Variants in PTGER4 observed in about 807,000 individuals in gnomAD.
The protein encoded by PTGER4 is prostaglandin E receptor 4.
A neutral mutation model predicts 33.2 loss-of-function variants in PTGER4; 11 were observed. The observed-to-expected ratio is 0.33, with a 90% CI of 0.21 to 0.55. PTGER4 has a LOEUF of 0.55. PTGER4 is among the 20% of genes least tolerant of loss of function. The pLI is 0.92. For missense variants in PTGER4, 481 were observed against 650.2 expected (o/e 0.74, Z 2.83); for synonymous variants, 275 against 281.5 (o/e 0.98, Z 0.23).
chr5:40,717,303 T>C, the PTGER4 span, among the ~76,000 whole-genome samples: 9 of 151,526 alleles, frequency 5.9e-5, no homozygotes, highest in Admixed American at 3.3e-4. Flanking sequence ...GTAGGTATGG[T>C]TATTGTTTTC....
chr5:40,733,053 T>A, the PTGER4 span, among the ~76,000 whole-genome samples: 1 of 152,176 alleles, frequency 6.6e-6, no homozygotes, highest in East Asian at 1.9e-4. Flanking sequence ...TAAAAACAAA[T>A]TCTATCCTAA....
At chr5:40,738,494 CAATACAATACAATAA>C in the PTGER4 span, among the ~76,000 whole-genome samples, 8 of 87,750 alleles carry the variant, frequency 9.1e-5, no homozygotes, top group African/African-American at 1.9e-4. Context: ...CAATACAATA[CAATACAATACAATAA>C]AATACAATAA....
At chr5:40,686,091 A>G (rs993029498) in intron 2 of PTGER4, among the ~76,000 whole-genome samples, 2 of 152,230 alleles carry the variant, frequency 1.3e-5, no homozygotes, top group Admixed American at 6.5e-5. Flanking sequence ...CTTTACTTGA[A>G]AAAAAGAAAG....
chr5:40,737,645 T>G, the PTGER4 span, among the ~76,000 whole-genome samples: 1 of 152,212 alleles, frequency 6.6e-6, no homozygotes, highest in Non-Finnish European at 1.5e-5. Context: ...TGATGAGTTT[T>G]GAGAAATGTA....
the PTGER4 span, among the ~76,000 whole-genome samples, chr5:40,722,018 G>C: frequency 6.6e-6 from 1 of 152,204 alleles, no homozygotes; most frequent in Admixed American, 6.5e-5. Context: ...ACAGGTATAT[G>C]AAAAGATGCT....
At chr5:40,717,369 T>C in the PTGER4 span, among the ~76,000 whole-genome samples, 1 of 152,140 alleles carries the variant, frequency 6.6e-6, no homozygotes, top group African/African-American at 2.4e-5. Flanking sequence ...CAGCTGGGAA[T>C]TGGCAGAGCT....
the PTGER4 span, among the ~76,000 whole-genome samples, chr5:40,722,656 G>A: frequency 4.4e-3 from 668 of 151,394 alleles, 4 homozygotes; most frequent in African/African-American, 0.015. Flanking sequence ...GAAGTGAGGC[G>A]TGTCTCCGCC....
the PTGER4 span, among the ~76,000 whole-genome samples, chr5:40,727,200 A>C: frequency 6.6e-6 from 1 of 152,230 alleles, no homozygotes; most frequent in African/African-American, 2.4e-5. Flanking sequence ...TAGTAAGTTT[A>C]TATTTTGAAT....
At chr5:40,728,199 G>C in the PTGER4 span, 1 of 544,534 alleles carries the variant, frequency 1.8e-6, no homozygotes, top group South Asian at 2.9e-5. Context: ...CAGGAGAATC[G>C]CTTGAACCCA....
Position 40,681,994 on chromosome 5 carries a change from A to G in PTGER4, c.867+134A>G. The G allele has an allele frequency of 8.4e-7, 1 of 1,194,118 alleles. No homozygotes were observed. The highest frequency in any genetic ancestry group is 1.1e-6 in the Non-Finnish European group (1 of 891,770). The allele number at this position is 1,194,118 out of a possible 1,614,324, so 74.0% of individuals were successfully genotyped here. A position where few individuals can be genotyped will look rare whatever the true frequency, so the allele number is the denominator to read the frequency against. On this transcript the variant is annotated intron_variant, in intron 2 of 2. Transcript: ENST00000302472. The surrounding 1 kb of genome is among the most constrained non-coding windows in gnomAD (Gnocchi z 9.8). ...CCTTTAGGTCGGGGCTGGGATTCCC[A>G]CACTGTTTCTCAGAGCAGGCCCAAC...
At chr5:40,715,354 T>C in the PTGER4 span, 1 of 152,122 alleles carries the variant, frequency 6.6e-6, no homozygotes, top group Non-Finnish European at 1.5e-5. Context: ...GCAGTACAAT[T>C]GTCATTAACC....
At chr5:40,684,219 A>G (rs1432061315) in intron 2 of PTGER4, among the ~76,000 whole-genome samples, 9 of 142,510 alleles carry the variant, frequency 6.3e-5, no homozygotes, top group African/African-American at 1.0e-4. Context: ...TTCTTTTTTC[A>G]TGTTTTCATA....
At chr5:40,742,122 C>G in the PTGER4 span, among the ~76,000 whole-genome samples, 1 of 151,760 alleles carries the variant, frequency 6.6e-6, no homozygotes, top group Non-Finnish European at 1.5e-5. Context: ...TATCTTTTGT[C>G]CAATTTTCTA....
the PTGER4 span, chr5:40,730,384 T>TG: frequency 6.5e-7 from 1 of 1,548,824 alleles, no homozygotes; most frequent in Non-Finnish European, 8.8e-7. Flanking sequence ...ATTTTCAATA[T>TG]GCTTTTTTGG....
At chr5:40,735,188 T>C in the PTGER4 span, among the ~76,000 whole-genome samples, 3 of 152,242 alleles carry the variant, frequency 2.0e-5, no homozygotes, top group South Asian at 2.1e-4. Context: ...TTTAATTGTA[T>C]GTGTGATGAA....
chr5:40,686,915 T>G (rs952615276), intron 2 of PTGER4, among the ~76,000 whole-genome samples: 2 of 152,054 alleles, frequency 1.3e-5, no homozygotes, highest in African/African-American at 4.8e-5. Context: ...ATAAAATAAT[T>G]TAGAATACTG....
At chr5:40,735,684 AAAG>A in the PTGER4 span, among the ~76,000 whole-genome samples, 1 of 152,236 alleles carries the variant, frequency 6.6e-6, no homozygotes, top group Non-Finnish European at 1.5e-5. Context: ...AGGAGCAAGC[AAAG>A]ATTAAAAAGG....
Position 40,693,086 on chromosome 5 carries a change from T to G in PTGER4, c.*708T>G, listed in dbSNP as rs2111817615. The G allele has an allele frequency of 1.1e-6, 1 of 936,502 alleles. No homozygotes were observed. The allele number at this position is 936,502 out of a possible 1,614,324, so 58.0% of individuals were successfully genotyped here. A position where few individuals can be genotyped will look rare whatever the true frequency, so the allele number is the denominator to read the frequency against. ...AAAGAAAAAAATACTATTTAAGATG[T>G]GAAAATTACAGTCCAAAATACTGTT... On this transcript the variant is annotated 3_prime_UTR_variant, in exon 3 of 3. Transcript: ENST00000302472.
chr5:40,728,432 T>C, the PTGER4 span: 6 of 1,613,870 alleles, frequency 3.7e-6, no homozygotes, highest in Admixed American at 1.0e-4. Context: ...CGGCCATTTC[T>C]GCTGCATGTA....
Sources: allele counts gnomAD v4.1 joint callset (sites outside exome capture counted in the v4.1 genomes callset), GRCh38; gene constraint gnomAD v4.1.1; non-coding constraint Gnocchi (gnomAD v3.1); transcripts MANE v1.5; gene names NCBI Gene and HGNC (gene_info 2026-07-23, HGNC 2026-07-21).